Variants in ARHGEF26 observed in about 807,000 individuals in gnomAD.
ARHGEF26 encodes the protein Rho guanine nucleotide exchange factor 26, also known as Rho guanine nucleotide exchange factor (GEF) 26.
ARHGEF26 carries 59 observed loss-of-function variants against 89.4 expected under a neutral mutation model. The observed-to-expected ratio is 0.66, with a 90% confidence interval of 0.54 to 0.82. The LOEUF (loss-of-function observed/expected upper bound fraction) is 0.82, where lower values mean the gene tolerates loss of function less well. Among genes scored for constraint, ARHGEF26 ranks in the 40% least tolerant of loss-of-function variants. The pLI is 0.00. For missense variants in ARHGEF26, 1,234 were observed against 1,085.6 expected (o/e 1.14, Z -1.92); for synonymous variants, 500 against 428.4 (o/e 1.17, Z -2.06).
chr3:154,168,200 G>A (rs1712174443), intron 6 of ARHGEF26, among the ~76,000 whole-genome samples: 1 of 152,142 alleles, frequency 6.6e-6, no homozygotes, highest in Admixed American at 6.6e-5. Flanking sequence ...TAGAGCTAAG[G>A]CTAGAACTCA....
At chr3:154,217,192 A>G (rs1286569324) in intron 9 of ARHGEF26, among the ~76,000 whole-genome samples, 5 of 149,906 alleles carry the variant, frequency 3.3e-5, no homozygotes, top group South Asian at 2.1e-4. Flanking sequence ...CCTCTCCAGC[A>G]CCTGTTGTTC....
rs762168983 is a variant in ARHGEF26, at chr3:154,122,262, G to C, written c.270G>C (p.Ala90=). 6 of 1,611,884 alleles carry C rather than the reference G, an allele frequency of 3.7e-6. No individual in the cohort carries two copies. The highest frequency in any genetic ancestry group is 5.1e-6 in the Non-Finnish European group (6 of 1,179,554). The change falls in exon 2 of 15, where the codon GCG becomes GCC. Residue 90 remains alanine (A), a synonymous_variant. Transcript: ENST00000465093. ...TGCTTCTGGGCGCCCAGCGGAGAGCGGTGGCCAATGGTGGGACGGCATCCC... is the reference window on the plus strand; with the variant it reads ...TGCTTCTGGGCGCCCAGCGGAGAGCCGTGGCCAATGGTGGGACGGCATCCC... The part of the protein sequence containing the change: ...SPLLLGAQRR[A]VANGGTASPE...
At chr3:154,134,771 GTT>G (rs530965802) in intron 4 of ARHGEF26, among the ~76,000 whole-genome samples, 1 of 147,370 alleles carries the variant, frequency 6.8e-6, no homozygotes, top group African/African-American at 2.5e-5. Flanking sequence ...GTTTATTGAG[GTT>G]TTTTTTTTTA....
At chr3:154,223,670 G>A (rs1407827309) in intron 10 of ARHGEF26, among the ~76,000 whole-genome samples, 1 of 152,116 alleles carries the variant, frequency 6.6e-6, no homozygotes, top group Admixed American at 6.5e-5. Flanking sequence ...TAGATTAGTG[G>A]TTGCCAGATG....
chr3:154,199,804 G>T (rs13324859), intron 9 of ARHGEF26, among the ~76,000 whole-genome samples: 1 of 151,886 alleles, frequency 6.6e-6, no homozygotes, highest in South Asian at 2.1e-4. Context: ...TTTGCATCTC[G>T]CTAATGATCA....
rs1346725147 is a variant in ARHGEF26, at chr3:154,256,559, A to AC, written c.*1086_*1087insC. The AC allele has an allele frequency of 4.0e-6, 4 of 995,804 alleles. No individual in the cohort carries two copies. In the African/African-American group the frequency reaches 5.3e-5, roughly 13 times the overall value. 61.7% of individuals were successfully genotyped at this position (995,804 alleles called of 1,614,324 possible). A position where few individuals can be genotyped will look rare whatever the true frequency, so the allele number is the denominator to read the frequency against. ...ACTTTCTAATTAATTAAAAAAAAAA[A>AC]AAAAAAAAAAAAAAAACCTTCCCAA... On this transcript the variant is annotated 3_prime_UTR_variant, in exon 15 of 15. Coordinates refer to ENST00000465093, the MANE Select transcript of ARHGEF26 (RefSeq NM_015595.4).
chr3:154,136,265 T>TTAAAATATTTTAAC (rs1479366584), intron 4 of ARHGEF26, among the ~76,000 whole-genome samples: 1,004 of 97,294 alleles, frequency 0.01, 42 homozygotes, highest in African/African-American at 0.054. Flanking sequence ...TTAATTTTAA[T>TTAAAATATTTTAAC]TAAAGTATTT....
At chr3:154,171,537 T>G (rs952614964) in intron 6 of ARHGEF26, among the ~76,000 whole-genome samples, 4 of 152,212 alleles carry the variant, frequency 2.6e-5, no homozygotes, top group Non-Finnish European at 4.4e-5. Context: ...CTCCCTCTCC[T>G]TAAGCCCCTG....
At chr3:154,244,926 G>T (rs900947471) in intron 12 of ARHGEF26, among the ~76,000 whole-genome samples, 1 of 151,962 alleles carries the variant, frequency 6.6e-6, no homozygotes, top group Non-Finnish European at 1.5e-5. Context: ...TGCTCAGTTT[G>T]GCTTGTTCTG....
Position 154,122,491 on chromosome 3 carries a change from G to A in ARHGEF26, c.499G>A (p.Ala167Thr). The A allele has an allele frequency of 6.2e-7, 1 of 1,612,868 alleles. No individual in the cohort carries two copies. The highest frequency in any genetic ancestry group is 8.5e-7 in the Non-Finnish European group (1 of 1,179,754). Residue 167 changes from alanine to threonine, a missense_variant, in exon 2 of 15, where the codon GCC (alanine) becomes ACC (threonine). Ala to Thr is a moderately conservative substitution (Grantham distance 58). Coordinates refer to ENST00000465093, the MANE Select transcript of ARHGEF26 (RefSeq NM_015595.4). ...CGAGGAGGACCTTACTGGGTTGACT[G>A]CCAGCCCGGTGCCTTCGCCCACTGC... ...TPEEDLTGLTASPVPSPTANG... is the reference protein window; with the variant it reads ...TPEEDLTGLTTSPVPSPTANG...
intron 6 of ARHGEF26, among the ~76,000 whole-genome samples, chr3:154,173,068 A>T (rs544231283): frequency 6.6e-6 from 1 of 152,180 alleles, no homozygotes; most frequent in Non-Finnish European, 1.5e-5. Context: ...AGCAACGTTT[A>T]CTTTATTATC....
intron 6 of ARHGEF26, among the ~76,000 whole-genome samples, chr3:154,168,276 TG>T (rs1712179772): frequency 6.6e-6 from 1 of 152,016 alleles, no homozygotes; most frequent in African/African-American, 2.4e-5. Flanking sequence ...TATATTTACG[TG>T]GCTTAAAAGT....
intron 6 of ARHGEF26, among the ~76,000 whole-genome samples, chr3:154,161,100 TTGTGTG>T (rs761296397): frequency 1.4e-3 from 25 of 17,626 alleles, no homozygotes; most frequent in Non-Finnish European, 2.8e-3. Flanking sequence ...GTAGCCAGGT[TTGTGTG>T]TGTGTGTGTG....
intron 12 of ARHGEF26, 23 bp from the exon 13 acceptor site, chr3:154,253,093 G>T (rs780421854): frequency 6.2e-7 from 1 of 1,613,596 alleles, no homozygotes; most frequent in Non-Finnish European, 8.5e-7. Flanking sequence ...GAGTCTCTCA[G>T]TTGGATCTGC....
intron 11 of ARHGEF26, among the ~76,000 whole-genome samples, chr3:154,230,448 T>G (rs979806972): frequency 1.3e-5 from 2 of 152,226 alleles, no homozygotes; most frequent in African/African-American, 4.8e-5. Context: ...ACTTTTCCCC[T>G]CATCCTATAA....
chr3:154,147,429 A>G (rs1719768286), intron 4 of ARHGEF26, among the ~76,000 whole-genome samples: 1 of 152,160 alleles, frequency 6.6e-6, no homozygotes, highest in African/African-American at 2.4e-5. Context: ...AATAAATACG[A>G]AAAAGGAGCC....
At chr3:154,137,704 C>A (rs1719096020) in intron 4 of ARHGEF26, among the ~76,000 whole-genome samples, 1 of 151,552 alleles carries the variant, frequency 6.6e-6, no homozygotes, top group Non-Finnish European at 1.5e-5. Context: ...GGACCAGGTA[C>A]AGTGGGTCCT....
chr3:154,243,342 G>C (rs1207567437), intron 12 of ARHGEF26, among the ~76,000 whole-genome samples: 1 of 152,122 alleles, frequency 6.6e-6, no homozygotes, highest in Non-Finnish European at 1.5e-5. Context: ...AGGATTGTTT[G>C]TTCTTTATTC....
intron 6 of ARHGEF26, among the ~76,000 whole-genome samples, chr3:154,184,961 T>A (rs1357989220): frequency 1.3e-5 from 2 of 152,168 alleles, no homozygotes; most frequent in Non-Finnish European, 2.9e-5. Flanking sequence ...ACTTCCCAGT[T>A]TCCCCAACCA....
Sources: gnomAD v4.1 joint callset for allele counts (sites outside exome capture counted in the v4.1 genomes callset) on GRCh38, gnomAD v4.1.1 for gene constraint, MANE v1.5 for transcripts, NCBI Gene and HGNC (gene_info 2026-07-23, HGNC 2026-07-21) for gene names.